The following GPC5 variants were observed in gnomAD, a reference collection of about 807,000 sequenced individuals.
GPC5 encodes the protein glypican-5.
Under a neutral mutation model 53.9 loss-of-function variants are expected in GPC5, and 47 were observed. The ratio of observed to expected loss-of-function variants is 0.87; its 90% CI spans 0.69 to 1.11. The LOEUF is 1.11. Among genes scored for constraint, GPC5 ranks in the 50% most tolerant of loss-of-function variants. GPC5 has a pLI of 0.00. For synonymous variants in GPC5, 286 were observed against 263.3 expected (o/e 1.09, Z -0.84); for missense variants, 748 against 713.1 (o/e 1.05, Z -0.56).
intron 1 of GPC5, among the ~76,000 whole-genome samples, chr13:91,443,497 C>T (rs1382713459): frequency 6.6e-6 from 1 of 152,150 alleles, no homozygotes; most frequent in African/African-American, 2.4e-5. Flanking sequence ...CATGGTAGCC[C>T]AAGCAGACTA....
In GPC5 at chr13:92,578,198, A is replaced by G. The variant is rs915596426; in HGVS notation, c.1562-288084A>G. ...GCTTATGGAAGTCAAGGTAAGAGGA[A>G]CAGGGACATGGCTCAATCGAAACCC... On this transcript the variant is annotated intron_variant, in intron 7 of 7. Transcript: ENST00000377067. Among the ~76,000 whole-genome samples, 3 of 152,168 alleles carry G rather than the reference A, an allele frequency of 2.0e-5. 1 individual carries two copies. Among genetic ancestry groups the G allele is most frequent in the African/African-American group, 7.2e-5 (3 of 41,442 alleles).
At chr13:91,828,068 A>C (rs2138848368) in intron 5 of GPC5, among the ~76,000 whole-genome samples, 1 of 152,190 alleles carries the variant, frequency 6.6e-6, no homozygotes, top group South Asian at 2.1e-4. Context: ...TGCTGAGTAA[A>C]ATAAGCCAAC....
At chr13:91,487,842 T>C (rs1239138958) in intron 2 of GPC5, among the ~76,000 whole-genome samples, 2 of 152,174 alleles carry the variant, frequency 1.3e-5, no homozygotes, top group Non-Finnish European at 2.9e-5. Context: ...AACCCATATG[T>C]TAGGATTATC....
At chr13:91,804,013 C>G (rs1291946833) in intron 5 of GPC5, among the ~76,000 whole-genome samples, 1 of 151,646 alleles carries the variant, frequency 6.6e-6, no homozygotes, top group Non-Finnish European at 1.5e-5. Context: ...AAGAAATATA[C>G]AGGGGCAAAG....
intron 1 of GPC5, among the ~76,000 whole-genome samples, chr13:91,432,873 T>C (rs1169738489): frequency 4.6e-5 from 7 of 152,168 alleles, no homozygotes; most frequent in Admixed American, 2.0e-4. Flanking sequence ...GCTCCTCTTA[T>C]ATATATTTAA....
chr13:91,880,206 G>GT (rs1273662923), intron 5 of GPC5, among the ~76,000 whole-genome samples: 1 of 151,992 alleles, frequency 6.6e-6, no homozygotes, highest in African/African-American at 2.4e-5. Flanking sequence ...CATTTAACCA[G>GT]TACATGTTTA....
chr13:91,937,227 C>A (rs1273953074), intron 6 of GPC5, among the ~76,000 whole-genome samples: 1 of 151,966 alleles, frequency 6.6e-6, no homozygotes, highest in Non-Finnish European at 1.5e-5. Context: ...CTTGGGAGTC[C>A]CTCTTTCTCT....
chr13:91,573,303 A>G (rs2032006330), intron 2 of GPC5, among the ~76,000 whole-genome samples: 2 of 152,188 alleles, frequency 1.3e-5, no homozygotes, highest in South Asian at 4.1e-4. Context: ...GGTCACATTT[A>G]ATCTCCTTAC....
Position 91,713,201 on chromosome 13 carries a change from GTAAA to G in GPC5, c.1021-15315_1021-15312del, listed in dbSNP as rs1039031843. 3.1e-3 allele frequency among the ~76,000 whole-genome samples: 465 copies of G among 151,118 alleles called. 6 individuals carry two copies. Among genetic ancestry groups the G allele is most frequent in the African/African-American group, 0.011 (448 of 41,430 alleles). On this transcript the variant is annotated intron_variant, in intron 3 of 7. Transcript: ENST00000377067. Reference sequence around the variant, plus strand: ...GAGAGACTCTGTCATAAATAAATAAGTAAATAAATAAATAAATAAGTCACAAGCC... The same window carrying G: ...GAGAGACTCTGTCATAAATAAATAAGTAAATAAATAAATAAGTCACAAGCC...
intron 7 of GPC5, among the ~76,000 whole-genome samples, chr13:92,287,250 T>G (rs1387146577): frequency 6.6e-6 from 1 of 152,210 alleles, no homozygotes; most frequent in Admixed American, 6.5e-5. Context: ...TCTTTAAACA[T>G]ATCTTGAAAG....
chr13:91,764,298 C>T (rs1191258507), intron 5 of GPC5, among the ~76,000 whole-genome samples: 1 of 152,118 alleles, frequency 6.6e-6, no homozygotes, highest in African/African-American at 2.4e-5. Flanking sequence ...GCAATAATTG[C>T]GTGGTATATC....
At chr13:92,487,391 G>C (rs920880178) in intron 7 of GPC5, among the ~76,000 whole-genome samples, 1 of 152,112 alleles carries the variant, frequency 6.6e-6, no homozygotes, top group African/African-American at 2.4e-5. Flanking sequence ...TTATAACCAG[G>C]AGACTATTGC....
At chr13:92,470,851 T>A (rs181839488) in intron 7 of GPC5, among the ~76,000 whole-genome samples, 1 of 152,264 alleles carries the variant, frequency 6.6e-6, no homozygotes, top group Admixed American at 6.5e-5. Flanking sequence ...CCTCTAGATG[T>A]CATTGGGTTG....
rs1874644388 is a variant in GPC5 at position 92,385,612 on chromosome 13, T to TATAATATATACGCATATATACATATATAC, written c.1561+240624_1561+240625insTAATATATACGCATATATACATATATACA. On this transcript the variant is annotated intron_variant, in intron 7 of 7. Transcript: ENST00000377067. Reference sequence around the variant, plus strand: ...ACGCATATATACATATATACACATATACATATACATACACATATATACATA... The same window carrying TATAATATATACGCATATATACATATATAC: ...ACGCATATATACATATATACACATATATAATATATACGCATATATACATATATACACATATACATACACATATATACATA... 8.3e-5 allele frequency among the ~76,000 whole-genome samples: 12 copies of TATAATATATACGCATATATACATATATAC among 144,080 alleles called. No individual in the cohort carries two copies. The Admixed American group carries it at 8.7e-4, about 10-fold the overall frequency. 94.5% of individuals were successfully genotyped at this position (144,080 alleles called of 152,430 possible). A position where few individuals can be genotyped will look rare whatever the true frequency, so the allele number is the denominator to read the frequency against.
At chr13:92,428,801 T>C (rs541221986) in intron 7 of GPC5, among the ~76,000 whole-genome samples, 1 of 152,218 alleles carries the variant, frequency 6.6e-6, no homozygotes, top group Admixed American at 6.6e-5. Context: ...TAATCAATCG[T>C]ACTGATTCAT....
At chr13:91,548,090 CA>C (rs1258596390) in intron 2 of GPC5, among the ~76,000 whole-genome samples, 1 of 152,080 alleles carries the variant, frequency 6.6e-6, no homozygotes, top group Middle Eastern at 3.2e-3. Flanking sequence ...CTCTCCTTTT[CA>C]ACATTGTCCT....
intron 4 of GPC5, among the ~76,000 whole-genome samples, chr13:91,741,363 C>G (rs1425667825): frequency 6.6e-6 from 1 of 151,862 alleles, no homozygotes; most frequent in Non-Finnish European, 1.5e-5. Flanking sequence ...GAACAGAAAG[C>G]AAAGAGGACA....
intron 7 of GPC5, among the ~76,000 whole-genome samples, chr13:92,485,857 T>C (rs1377123233): frequency 6.6e-6 from 1 of 152,166 alleles, no homozygotes; most frequent in Non-Finnish European, 1.5e-5. Flanking sequence ...TGCCAGCTAC[T>C]CTGGAGGCTG....
chr13:91,760,207 T>C (rs539083753), intron 5 of GPC5, among the ~76,000 whole-genome samples: 53 of 152,318 alleles, frequency 3.5e-4, no homozygotes, highest in African/African-American at 1.1e-3. Context: ...TTTTGTGATA[T>C]AGTTTTGTCA....
Sources: allele counts gnomAD v4.1 joint callset (sites outside exome capture counted in the v4.1 genomes callset), GRCh38; gene constraint gnomAD v4.1.1; transcripts MANE v1.5; gene names NCBI Gene and HGNC (gene_info 2026-07-23, HGNC 2026-07-21).